The following POLA1 variants were observed in gnomAD, a reference collection of about 807,000 sequenced individuals.
POLA1 encodes the protein DNA polymerase alpha catalytic subunit.
POLA1 carries 15 observed loss-of-function variants against 124.0 expected under a neutral mutation model. The ratio of observed to expected loss-of-function variants is 0.12; its 90% CI spans 0.08 to 0.19. The LOEUF (loss-of-function observed/expected upper bound fraction) is 0.19, where lower values mean the gene tolerates loss of function less well. Among genes scored for constraint, POLA1 ranks in the 10% least tolerant of loss-of-function variants. The pLI, the probability that POLA1 is intolerant of heterozygous loss-of-function variation, is 1.00. For missense variants in POLA1, 886 were observed against 1,103.4 expected (o/e 0.80, Z 2.79); for synonymous variants, 408 against 389.4 (o/e 1.05, Z -0.56).
At chrX:24,806,718 A>G (rs1193246749) in intron 26 of POLA1, among the ~76,000 whole-genome samples, 2 of 112,155 alleles carry the variant, frequency 1.8e-5, no homozygotes, top group Non-Finnish European at 3.8e-5. Flanking sequence ...TTGACCCAGC[A>G]CACCCACTTG....
intron 36 of POLA1, among the ~76,000 whole-genome samples, chrX:24,982,833 G>A (rs1003521807): frequency 9.0e-6 from 1 of 111,085 alleles, no homozygotes; most frequent in Admixed American, 9.6e-5. Flanking sequence ...TGTATTTGAT[G>A]TATTTTGGAG....
rs757657562 is a variant in POLA1, at chrX:24,725,191, CT to C, written c.1317+761del. Reference sequence around the variant, plus strand: ...AACTTGGACAAGTGCTGAATGACTACTTTTTTTTTTTTTTTTTTTTTGAGAT... The same window carrying C: ...AACTTGGACAAGTGCTGAATGACTACTTTTTTTTTTTTTTTTTTTTGAGAT... On this transcript the variant is annotated intron_variant, in intron 12 of 36. Transcript: ENST00000379068. Among the ~76,000 whole-genome samples the C allele has an allele frequency of 9.5e-3, 844 of 88,991 alleles. 6 individuals carry two copies. Among genetic ancestry groups the C allele is most frequent in the African/African-American group, 0.023 (548 of 23,878 alleles). 77.3% of individuals were successfully genotyped at this position (88,991 alleles called of 115,157 possible).
intron 36 of POLA1, among the ~76,000 whole-genome samples, chrX:24,964,975 A>G (rs1290628179): frequency 3.6e-5 from 4 of 112,159 alleles, no homozygotes; most frequent in East Asian, 5.6e-4. Context: ...CCATATATCT[A>G]TAGTTTAAAA....
intron 32 of POLA1, among the ~76,000 whole-genome samples, chrX:24,829,402 C>A (rs1048390023): frequency 9.0e-6 from 1 of 111,559 alleles, no homozygotes; most frequent in Non-Finnish European, 1.9e-5. Context: ...TCCTCTCCTG[C>A]TTGTCCTCTT....
intron 4 of POLA1, among the ~76,000 whole-genome samples, chrX:24,706,543 G>T (rs1928820060): frequency 8.9e-6 from 1 of 112,006 alleles, no homozygotes; most frequent in Non-Finnish European, 1.9e-5. Context: ...ATATTTGATT[G>T]GTTGAAATCC....
intron 36 of POLA1, among the ~76,000 whole-genome samples, chrX:24,976,863 G>A (rs1205357117): frequency 4.5e-5 from 5 of 111,840 alleles, no homozygotes; most frequent in Non-Finnish European, 9.4e-5. Context: ...GCATCTCCCA[G>A]TAATCTCCTA....
intron 32 of POLA1, among the ~76,000 whole-genome samples, chrX:24,835,203 AC>A (rs2046325800): frequency 9.3e-6 from 1 of 108,036 alleles, no homozygotes; most frequent in Non-Finnish European, 1.9e-5. Flanking sequence ...ATGCGCCACC[AC>A]CCCCGGCTGA....
rs920235326 is a variant in POLA1, at chrX:24,939,744, C to G, written c.4261+9195C>G. On this transcript the variant is annotated intron_variant, in intron 36 of 36. Coordinates refer to ENST00000379068, the MANE Select transcript of POLA1 (RefSeq NM_001330360.2). ...TGGTATGGGTAAGATAGACTTTGTC[C>G]CTTGTGATTTAAAAAGTCAGAGAGC... 2.7e-5 allele frequency among the ~76,000 whole-genome samples: 3 copies of G among 111,092 alleles called. No individual in the cohort carries two copies. In the Admixed American group the frequency reaches 2.9e-4, roughly 11 times the overall value.
chrX:24,900,083 G>A (rs2047258222), intron 35 of POLA1, among the ~76,000 whole-genome samples: 1 of 111,712 alleles, frequency 9.0e-6, no homozygotes, highest in Non-Finnish European at 1.9e-5. Context: ...TTTAGTGGAA[G>A]ATGGACATTT....
intron 4 of POLA1, among the ~76,000 whole-genome samples, chrX:24,712,583 G>GT (rs1929535729): frequency 9.0e-6 from 1 of 111,110 alleles, no homozygotes; most frequent in Non-Finnish European, 1.9e-5. Flanking sequence ...TTTTAACTTG[G>GT]TTTTCTTTTT....
chrX:24,945,496 G>A (rs2047950818), intron 36 of POLA1, among the ~76,000 whole-genome samples: 1 of 112,277 alleles, frequency 8.9e-6, no homozygotes, highest in African/African-American at 3.2e-5. Context: ...CTGTGTTTTA[G>A]TTTTCTTATC....
chrX:24,955,647 TG>T (rs1222379502), intron 36 of POLA1, among the ~76,000 whole-genome samples: 1 of 112,016 alleles, frequency 8.9e-6, no homozygotes, highest in East Asian at 2.8e-4. Context: ...TTATCACACA[TG>T]GGGTGGGTTA....
chrX:24,783,910 A>T (rs1225627572), intron 26 of POLA1, among the ~76,000 whole-genome samples: 1 of 111,504 alleles, frequency 9.0e-6, no homozygotes, highest in Non-Finnish European at 1.9e-5. Context: ...GCTAGTGACT[A>T]CAGTGAGTAC....
intron 7 of POLA1, 62 bp downstream of exon 7, chrX:24,716,516 G>T: frequency 1.6e-6 from 1 of 639,274 alleles, no homozygotes; most frequent in Non-Finnish European, 2.5e-6. Flanking sequence ...TTATTTTGTT[G>T]CTTTTCTGTA....
At chrX:24,846,900 CA>C (rs1361184521) in intron 34 of POLA1, among the ~76,000 whole-genome samples, 2 of 112,189 alleles carry the variant, frequency 1.8e-5, no homozygotes, top group African/African-American at 6.5e-5. Context: ...TTTGATCTGA[CA>C]AAGCATTTGT....
chrX:24,954,885 A>G (rs369187962), intron 36 of POLA1, among the ~76,000 whole-genome samples: 2 of 111,763 alleles, frequency 1.8e-5, no homozygotes, highest in Non-Finnish European at 3.8e-5. Flanking sequence ...TAACAGTATT[A>G]CCAGCTCATC....
At chrX:24,732,590 TTTTTTTTTG>T (rs1930985861) in intron 16 of POLA1, 136 bp downstream of exon 16, 3 of 318,260 alleles carry the variant, frequency 9.4e-6, no homozygotes, top group East Asian at 9.9e-5. Flanking sequence ...GAGGGTTTTG[TTTTTTTTTG>T]TTTTTTTTTT....
chrX:24,775,772 G>A (rs1456767180), intron 26 of POLA1, among the ~76,000 whole-genome samples: 2 of 112,019 alleles, frequency 1.8e-5, no homozygotes, highest in East Asian at 5.6e-4. Context: ...GCACAGTGTA[G>A]AACTTTTTAA....
rs748903534 is a variant in POLA1 at position 24,704,454 on chromosome X, G to A, written c.331G>A (p.Asp111Asn). The A allele has an allele frequency of 1.7e-6, 2 of 1,186,595 alleles. No homozygotes were observed. Among genetic ancestry groups the A allele is most frequent in the South Asian group, 3.6e-5 (2 of 56,204 alleles). ...FDDDLEDDAL[D>N]ADEKGKDGKA... ...TGATGACCTTGAAGATGATGCCCTT[G>A]ATGCTGATGAGAAAGGTACCTACCT... The change falls in exon 4 of 37, where the codon GAT becomes AAT. Residue 111 changes from aspartate (D) to asparagine (N), a missense_variant. Asp to Asn is a conservative substitution (Grantham distance 23, BLOSUM62 1). Around this residue, in one of 7 missense-constraint regions of POLA1, gnomAD observed 337 missense variants for 402.8 expected, o/e 0.84. Transcript: ENST00000379068.
Sources: gnomAD v4.1 joint callset for allele counts (sites outside exome capture counted in the v4.1 genomes callset) on GRCh38, gnomAD v4.1.1 for gene constraint, gnomAD v4.1.1 regional missense constraint, MANE v1.5 for transcripts, NCBI Gene and HGNC (gene_info 2026-07-23, HGNC 2026-07-21) for gene names.